GRIN3A: variants seen among roughly 807,000 people sequenced by gnomAD.
GRIN3A encodes glutamate receptor ionotropic, NMDA 3A.
In GRIN3A, 47 loss-of-function variants were observed where a neutral mutation model predicts 92.4. That is an observed-to-expected ratio of 0.51 (90% CI 0.40 to 0.65). The LOEUF is 0.65. Ranked by LOEUF, GRIN3A falls within the 30% of genes least tolerant of loss-of-function variation. The pLI is 0.00. For synonymous variants in GRIN3A, 527 were observed against 540.6 expected (o/e 0.97, Z 0.35); for missense variants, 1,324 against 1,393.1 (o/e 0.95, Z 0.79).
chr9:101,714,070 C>T (rs1829913865), intron 1 of GRIN3A, among the ~76,000 whole-genome samples: 1 of 151,842 alleles, frequency 6.6e-6, no homozygotes, highest in Non-Finnish European at 1.5e-5. Flanking sequence ...CAACATGGGC[C>T]CTTACAAATG....
chr9:101,642,384 A>G (rs1483192156), intron 3 of GRIN3A, among the ~76,000 whole-genome samples: 2 of 152,134 alleles, frequency 1.3e-5, no homozygotes, highest in African/African-American at 4.8e-5. Context: ...TTACCAGAAA[A>G]CACAGAGGAA....
rs1564144473 is a variant in GRIN3A at position 101,686,819 on chromosome 9, T to G, written c.1081A>C (p.Asn361His). 6.2e-7 allele frequency: 1 copy of G among 1,614,190 alleles called. No individual in the cohort carries two copies. The highest frequency in any genetic ancestry group is 8.5e-7 in the Non-Finnish European group (1 of 1,180,036). Reference protein sequence around the residue: ...ELRWVLGDSQNVEELRTEGLP... With the variant: ...ELRWVLGDSQHVEELRTEGLP... ...CCCTCTGTCCTCAGTTCCTCCACATTCTGGGAATCTCCCAGCACCCAACGA... is the reference window on the plus strand; with the variant it reads ...CCCTCTGTCCTCAGTTCCTCCACATGCTGGGAATCTCCCAGCACCCAACGA... Residue 361 changes from asparagine (N) to histidine (H), a missense_variant, in exon 2 of 9, where the codon AAT (asparagine) becomes CAT (histidine). Coordinates refer to ENST00000361820, the MANE Select transcript of GRIN3A (RefSeq NM_133445.3).
rs1296705398 is a variant in GRIN3A at position 101,642,712 on chromosome 9, T to C, written c.2353-14311A>G. On this transcript the variant is annotated intron_variant, in intron 3 of 8. Transcript: ENST00000361820. ...CAGCCACTCCCCATCACTCACATTA[T>C]AGCCTAAGCTCTGCCTGCTGTCAGA... 1.3e-5 allele frequency among the ~76,000 whole-genome samples: 2 copies of C among 152,130 alleles called. 1 individual carries two copies. Among genetic ancestry groups the C allele is most frequent in the Non-Finnish European group, 2.9e-5 (2 of 68,006 alleles).
chr9:101,582,963 A>G (rs937136007), intron 6 of GRIN3A, among the ~76,000 whole-genome samples: 1 of 152,190 alleles, frequency 6.6e-6, no homozygotes, highest in Non-Finnish European at 1.5e-5. Flanking sequence ...TCTGCTGTTT[A>G]TACCCACATG....
At chr9:101,578,276 C>T (rs574972935) in intron 7 of GRIN3A, among the ~76,000 whole-genome samples, 1 of 152,106 alleles carries the variant, frequency 6.6e-6, no homozygotes, top group South Asian at 2.1e-4. Flanking sequence ...TGGAGTTCTC[C>T]TAGAAGACCA....
chr9:101,685,615 GTGT>G (rs1368283162), intron 2 of GRIN3A, among the ~76,000 whole-genome samples: 4 of 151,824 alleles, frequency 2.6e-5, no homozygotes, highest in Non-Finnish European at 4.4e-5. Flanking sequence ...TCCATATGAT[GTGT>G]TGTTCTCTAT....
Position 101,737,702 on chromosome 9 carries a change from G to C in GRIN3A, c.278C>G (p.Pro93Arg), listed in dbSNP as rs779103680. 3.9e-4 allele frequency: 602 copies of C among 1,541,588 alleles called. No individual in the cohort carries two copies. The highest frequency in any genetic ancestry group is 1.1e-4 in the Non-Finnish European group (131 of 1,149,452). Residue 93 changes from proline to arginine, a missense_variant, in exon 1 of 9, where the codon CCG (proline) becomes CGG (arginine). Coordinates refer to ENST00000361820, the MANE Select transcript of GRIN3A (RefSeq NM_133445.3). The part of the protein sequence containing the change: ...PGTRRSPAPS[P>R]GARWLGSTLH... Reference sequence around the variant, plus strand: ...GGTGCTCCCCAACCAGCGTGCGCCCGGCGAGGGCGCCGGGGACCGCCTAGT... The same window carrying C: ...GGTGCTCCCCAACCAGCGTGCGCCCCGCGAGGGCGCCGGGGACCGCCTAGT...
intron 3 of GRIN3A, among the ~76,000 whole-genome samples, chr9:101,665,896 G>A (rs1275541410): frequency 6.6e-6 from 1 of 151,916 alleles, no homozygotes; most frequent in Non-Finnish European, 1.5e-5. Context: ...TAAGACACAT[G>A]CATGTATGCA....
intron 1 of GRIN3A, among the ~76,000 whole-genome samples, chr9:101,695,274 C>T (rs958741522): frequency 5.3e-5 from 8 of 152,238 alleles, no homozygotes; most frequent in South Asian, 2.1e-4. Context: ...GTGTCAGGCA[C>T]TGGCTACTGA....
chr9:101,666,292 C>CA (rs5899454), intron 3 of GRIN3A, among the ~76,000 whole-genome samples: 50,810 of 151,772 alleles, frequency 0.33, 9,424 homozygotes, highest in Non-Finnish European at 0.42. Flanking sequence ...TCCATGTTTC[C>CA]AATATCTGTT....
In GRIN3A at chr9:101,571,605, G is replaced by C. The variant is rs1827760824; in HGVS notation, c.*1569C>G. On this transcript the variant is annotated 3_prime_UTR_variant, in exon 9 of 9. Transcript: ENST00000361820. Reference sequence around the variant, plus strand: ...GGGTGGGGGTGAGGATGTTGAAGGAGAGTCAGCAGATGTGTGCTAAAATTA... The same window carrying C: ...GGGTGGGGGTGAGGATGTTGAAGGACAGTCAGCAGATGTGTGCTAAAATTA... 1 of 152,226 alleles carries C rather than the reference G, an allele frequency of 6.6e-6. No homozygotes were observed. Among genetic ancestry groups the C allele is most frequent in the African/African-American group, 2.4e-5 (1 of 41,442 alleles). 9.4% of individuals were successfully genotyped at this position (152,226 alleles called of 1,614,324 possible).
chr9:101,692,312 G>A (rs938481119), intron 1 of GRIN3A, among the ~76,000 whole-genome samples: 3 of 152,114 alleles, frequency 2.0e-5, no homozygotes, highest in Admixed American at 6.6e-5. Context: ...ACAAGCTCCA[G>A]TACCAGTCAG....
intron 5 of GRIN3A, among the ~76,000 whole-genome samples, chr9:101,621,765 C>G (rs1828559094): frequency 6.6e-6 from 1 of 152,120 alleles, no homozygotes; most frequent in Admixed American, 6.6e-5. Flanking sequence ...ATAGAGTTGT[C>G]CCCTGAAGAT....
chr9:101,642,809 A>T (rs1282179929), intron 3 of GRIN3A, among the ~76,000 whole-genome samples: 1 of 152,116 alleles, frequency 6.6e-6, no homozygotes, highest in Non-Finnish European at 1.5e-5. Context: ...TCTAGGTGGC[A>T]AGCATTAGAT....
chr9:101,576,785 G>C (rs1009256124), intron 8 of GRIN3A, among the ~76,000 whole-genome samples: 1 of 152,162 alleles, frequency 6.6e-6, no homozygotes, highest in Non-Finnish European at 1.5e-5. Context: ...TGACTGGAAA[G>C]AGATACTTCA....
intron 1 of GRIN3A, among the ~76,000 whole-genome samples, chr9:101,712,168 C>A (rs1037599104): frequency 1.2e-4 from 19 of 152,144 alleles, no homozygotes; most frequent in Admixed American, 4.6e-4. Context: ...TTCCAACTAC[C>A]TAATTGACAA....
chr9:101,723,281 T>C lies in GRIN3A; in HGVS notation c.699+14000A>G, dbSNP rs535877080. On this transcript the variant is annotated intron_variant, in intron 1 of 8. Transcript: ENST00000361820. ...GAGTTTCTTCCTTCTGGTGGGTTCA[T>C]GGTCTCGCTGGCTCGGGAGTGAAGC... is the stretch of plus-strand genomic sequence containing the variant. Among the ~76,000 whole-genome samples, 21 of 152,198 alleles carry C rather than the reference T, an allele frequency of 1.4e-4. No homozygotes were observed. In the East Asian group the frequency reaches 3.9e-3, roughly 28 times the overall value.
chr9:101,716,805 GT>G (rs1564151394), intron 1 of GRIN3A, among the ~76,000 whole-genome samples: 1 of 152,230 alleles, frequency 6.6e-6, no homozygotes, highest in South Asian at 2.1e-4. Context: ...CATGCAGTTT[GT>G]TTTTTAAAAA....
chr9:101,719,346 G>A (rs1829982685), intron 1 of GRIN3A, among the ~76,000 whole-genome samples: 1 of 151,732 alleles, frequency 6.6e-6, no homozygotes, highest in Non-Finnish European at 1.5e-5. Context: ...TTGAACCTGG[G>A]AGGCAGAAGT....
Sources: allele counts gnomAD v4.1 joint callset (sites outside exome capture counted in the v4.1 genomes callset), GRCh38; gene constraint gnomAD v4.1.1; transcripts MANE v1.5; gene names NCBI Gene and HGNC (gene_info 2026-07-23, HGNC 2026-07-21).